Variants in PPP2R2C observed in about 807,000 individuals in gnomAD.
PPP2R2C encodes protein phosphatase 2 regulatory subunit Bgamma.
A neutral mutation model predicts 45.3 loss-of-function variants in PPP2R2C; 10 were observed. The observed-to-expected ratio is 0.22, with a 90% CI of 0.14 to 0.37. The LOEUF (loss-of-function observed/expected upper bound fraction) is 0.37. PPP2R2C is among the 10% of genes least tolerant of loss of function. The pLI, the probability that PPP2R2C is intolerant of heterozygous loss-of-function variation, is 1.00. For synonymous variants in PPP2R2C, 257 were observed against 245.4 expected, an observed-to-expected ratio of 1.05 and a Z score of -0.44; for missense variants, 308 against 619.7, an observed-to-expected ratio of 0.50 and a Z score of 5.34.
intron 1 of PPP2R2C, among the ~76,000 whole-genome samples, chr4:6,428,992 G>A (rs1211229239): frequency 6.6e-6 from 1 of 152,166 alleles, no homozygotes; most frequent in African/African-American, 2.4e-5. Flanking sequence ...CAAAGGGCCA[G>A]ATAGCCAATA....
In PPP2R2C at chr4:6,329,229, T is replaced by G; in HGVS notation, c.1052+33A>C. The G allele has an allele frequency of 2.0e-4, 309 of 1,579,192 alleles. No individual in the cohort carries two copies. Among genetic ancestry groups the G allele is most frequent in the Non-Finnish European group, 2.5e-4 (284 of 1,149,238 alleles). Reference sequence around the variant, plus strand: ...TGCAGGGCAGAAACCCTCCCTACGGTGAGGTGAGGTGCGGGCTGAGGTCAG... The same window carrying G: ...TGCAGGGCAGAAACCCTCCCTACGGGGAGGTGAGGTGCGGGCTGAGGTCAG... On this transcript the variant is annotated intron_variant, in intron 8 of 8. Coordinates refer to ENST00000382599, the MANE Select transcript of PPP2R2C (RefSeq NM_020416.4). This position sits in a 1 kb window ranked among gnomAD's most constrained non-coding sequence, Gnocchi z 5.8.
intron 5 of PPP2R2C, among the ~76,000 whole-genome samples, chr4:6,361,406 T>G (rs1046707966): frequency 1.3e-5 from 2 of 152,222 alleles, no homozygotes; most frequent in Non-Finnish European, 2.9e-5. Flanking sequence ...AACCCAGAGC[T>G]TGAAAGTCCA....
chr4:6,532,202 C>T (rs1015581414), intron 2 of PPP2R2C, among the ~76,000 whole-genome samples: 21 of 152,220 alleles, frequency 1.4e-4, no homozygotes, highest in Admixed American at 9.8e-4. Context: ...ATGGCAAGTG[C>T]GATCTATGGT....
chr4:6,429,623 T>C (rs1231663884), intron 1 of PPP2R2C, among the ~76,000 whole-genome samples: 3 of 152,314 alleles, frequency 2.0e-5, no homozygotes, highest in African/African-American at 7.2e-5. Context: ...TCTACCGTGC[T>C]GCTCCCTGAC....
intron 5 of PPP2R2C, chr4:6,348,692 T>C (rs1712239343): frequency 1.0e-6 from 1 of 985,056 alleles, no homozygotes; most frequent in African/African-American, 1.7e-5. Context: ...CTGTGCTGGG[T>C]GGTGTAGAAA....
chr4:6,326,644 G>T (rs1374587523), intron 8 of PPP2R2C, among the ~76,000 whole-genome samples: 1 of 152,210 alleles, frequency 6.6e-6, no homozygotes, highest in Non-Finnish European at 1.5e-5. Flanking sequence ...CCCCAAAGCG[G>T]CCACGAAGGC....
intron 2 of PPP2R2C, among the ~76,000 whole-genome samples, chr4:6,486,003 C>A (rs1722516392): frequency 6.6e-6 from 1 of 151,912 alleles, no homozygotes; most frequent in South Asian, 2.1e-4. Flanking sequence ...GAACTTCCTT[C>A]TATTCCAATA....
At chr4:6,404,934 C>A (rs970716681) in intron 1 of PPP2R2C, among the ~76,000 whole-genome samples, 18 of 152,220 alleles carry the variant, frequency 1.2e-4, no homozygotes, top group Admixed American at 1.0e-3. Flanking sequence ...GAGCAAGGCA[C>A]CGCACCTCTG....
chr4:6,389,554 G>C (rs1218954588), intron 1 of PPP2R2C, among the ~76,000 whole-genome samples: 4 of 152,202 alleles, frequency 2.6e-5, no homozygotes, highest in African/African-American at 7.2e-5. Flanking sequence ...TTAGCACCTG[G>C]TATGGGCTTG....
intron 1 of PPP2R2C, among the ~76,000 whole-genome samples, chr4:6,399,016 T>C (rs754638513): frequency 6.6e-6 from 1 of 152,170 alleles, no homozygotes; most frequent in Non-Finnish European, 1.5e-5. Context: ...ATGACTCTAT[T>C]CATATGAAAT....
At chr4:6,403,737 C>G (rs1302035495) in intron 1 of PPP2R2C, among the ~76,000 whole-genome samples, 4 of 152,080 alleles carry the variant, frequency 2.6e-5, no homozygotes, top group Non-Finnish European at 1.5e-5. Flanking sequence ...GTGGTGGGTG[C>G]CTGTAATCCC....
At chr4:6,522,041 A>T (rs4076080) in intron 2 of PPP2R2C, among the ~76,000 whole-genome samples, 56,048 of 151,858 alleles carry the variant, frequency 0.37, 10,670 homozygotes, top group Admixed American at 0.48. Context: ...GGAACAGAGA[A>T]GTGTTGTTTC....
chr4:6,338,280 T>C (rs1733152211), intron 6 of PPP2R2C, among the ~76,000 whole-genome samples: 1 of 152,222 alleles, frequency 6.6e-6, no homozygotes, highest in Admixed American at 6.5e-5. Flanking sequence ...CTCCATCCTG[T>C]TTCTTTTTAA....
chr4:6,435,082 AT>A (rs901074263), intron 1 of PPP2R2C, among the ~76,000 whole-genome samples: 1 of 151,936 alleles, frequency 6.6e-6, no homozygotes, highest in Non-Finnish European at 1.5e-5. Context: ...TGTGCCTTAA[AT>A]TTTTTTTATT....
chr4:6,469,077 C>CAAAAAAAA (rs142008829), intron 1 of PPP2R2C, among the ~76,000 whole-genome samples: 1 of 56,154 alleles, frequency 1.8e-5, no homozygotes, highest in African/African-American at 7.0e-5. Flanking sequence ...GCCCTGCCAC[C>CAAAAAAAA]AAAAAAAAAA....
chr4:6,393,744 G>C (rs1022951199), intron 1 of PPP2R2C, among the ~76,000 whole-genome samples: 5 of 152,234 alleles, frequency 3.3e-5, no homozygotes, highest in African/African-American at 1.2e-4. Flanking sequence ...TGGAGTGTCT[G>C]CCAGCCTGGC....
chr4:6,414,076 ATGTGTGTG>A (rs71173440), intron 1 of PPP2R2C: 72,325 of 877,160 alleles, frequency 0.082, 2,266 homozygotes, highest in Non-Finnish European at 0.088. Context: ...TTGCCTGTGT[ATGTGTGTG>A]TGTGTGTGTG....
intron 1 of PPP2R2C, among the ~76,000 whole-genome samples, chr4:6,398,330 A>T (rs571884896): frequency 6.1e-5 from 5 of 81,818 alleles, no homozygotes; most frequent in African/African-American, 1.4e-4. Context: ...ATGGAATGAG[A>T]GAAAATATTC....
intron 1 of PPP2R2C, among the ~76,000 whole-genome samples, chr4:6,557,197 G>A (rs753602490): frequency 2.6e-5 from 4 of 152,158 alleles, no homozygotes; most frequent in Non-Finnish European, 4.4e-5. Flanking sequence ...ACTGTATTGT[G>A]GTCCTGCAGC....
Sources: allele counts gnomAD v4.1 joint callset (sites outside exome capture counted in the v4.1 genomes callset), GRCh38; gene constraint gnomAD v4.1.1; non-coding constraint Gnocchi (gnomAD v3.1); transcripts MANE v1.5; gene names NCBI Gene and HGNC (gene_info 2026-07-23, HGNC 2026-07-21).